The following CNTN3 variants were observed in gnomAD, a reference collection of about 807,000 sequenced individuals.
CNTN3 encodes the protein contactin 3, also known as contactin-3.
A neutral mutation model predicts 119.1 loss-of-function variants in CNTN3; 60 were observed. The observed-to-expected ratio is 0.50, with a 90% confidence interval of 0.41 to 0.62. The LOEUF is 0.62. CNTN3 is among the 20% of genes least tolerant of loss of function. CNTN3 has a pLI of 0.00. For missense variants in CNTN3, 1,101 were observed against 1,242.4 expected (o/e 0.89, Z 1.71); for synonymous variants, 450 against 438.7 (o/e 1.03, Z -0.32).
chr3:74,559,753 T>C (rs1704126196), intron 1 of CNTN3, among the ~76,000 whole-genome samples: 1 of 152,214 alleles, frequency 6.6e-6, no homozygotes, highest in African/African-American at 2.4e-5. Context: ...ATCTGTTTTC[T>C]TCTCTGTAAA....
At chr3:74,340,571 C>A (rs541298) in intron 11 of CNTN3, among the ~76,000 whole-genome samples, 9,111 of 151,914 alleles carry the variant, frequency 0.06, 772 homozygotes, top group African/African-American at 0.19. Context: ...AGTGTTGCTC[C>A]GGAAATTTTA....
At chr3:74,535,272 G>A (rs1703748459) in intron 1 of CNTN3, among the ~76,000 whole-genome samples, 1 of 152,022 alleles carries the variant, frequency 6.6e-6, no homozygotes, top group Non-Finnish European at 1.5e-5. Flanking sequence ...GTATCTAGGT[G>A]TATAAAACAT....
intron 4 of CNTN3, among the ~76,000 whole-genome samples, chr3:74,455,648 T>C (rs190116932): frequency 1.1e-4 from 17 of 152,214 alleles, no homozygotes; most frequent in African/African-American, 4.1e-4. Flanking sequence ...CTTTTGGTCT[T>C]TGATGATGGT....
At chr3:74,479,766 C>T (rs1381254487) in intron 4 of CNTN3, among the ~76,000 whole-genome samples, 1 of 151,850 alleles carries the variant, frequency 6.6e-6, no homozygotes, top group African/African-American at 2.4e-5. Flanking sequence ...AATTTTGTTC[C>T]TGATATACAG....
At chr3:74,291,945 G>A (rs1333224397) in intron 19 of CNTN3, among the ~76,000 whole-genome samples, 1 of 152,100 alleles carries the variant, frequency 6.6e-6, no homozygotes, top group Non-Finnish European at 1.5e-5. Context: ...GTAGCCCCCA[G>A]GAGGCTTTGT....
At chr3:74,555,904 T>C (rs1485594657) in intron 1 of CNTN3, among the ~76,000 whole-genome samples, 1 of 152,130 alleles carries the variant, frequency 6.6e-6, no homozygotes, top group Admixed American at 6.6e-5. Flanking sequence ...CTTTCCTTTA[T>C]AATTTACCCA....
chr3:74,335,709 A>G (rs931471394), intron 12 of CNTN3, among the ~76,000 whole-genome samples: 1 of 152,104 alleles, frequency 6.6e-6, no homozygotes, highest in Non-Finnish European at 1.5e-5. Context: ...GGTATTTAAC[A>G]TCATGCACTT....
chr3:74,297,866 T>C (rs751427169), intron 18 of CNTN3, 91 bp downstream of exon 18: 34 of 897,682 alleles, frequency 3.8e-5, no homozygotes, highest in Non-Finnish European at 5.6e-5. Flanking sequence ...GGAATAAATA[T>C]ATTTGAAGTC....
In CNTN3 at chr3:74,486,571, T is replaced by A; in HGVS notation, c.243A>T (p.Gly81=). ...TGGGATTAATAACCACAAGATTTCC[T>A]CCATTCAACTTATAACGATGTTCCA... ...MSMEHRYKLN[G]GNLVVINPNR... is the part of the protein sequence containing the mutation. The change falls in exon 4 of 23, where the codon GGA becomes GGT. Residue 81 remains glycine, a synonymous_variant. Coordinates refer to ENST00000263665, the MANE Select transcript of CNTN3 (RefSeq NM_020872.3). The A allele has an allele frequency of 1.2e-6, 2 of 1,609,414 alleles. No homozygotes were observed. Among genetic ancestry groups the A allele is most frequent in the Non-Finnish European group, 1.7e-6 (2 of 1,178,992 alleles).
In CNTN3 at chr3:74,361,034, T is replaced by C. The variant is rs376162511; in HGVS notation, c.1364+856A>G. On this transcript the variant is annotated intron_variant, in intron 11 of 22. Transcript: ENST00000263665. Reference sequence around the variant, plus strand: ...ATAACACAGTAACAGGTTTCTAGGATAAGGAGAGGGATGCTTTGGGGCCAA... The same window carrying C: ...ATAACACAGTAACAGGTTTCTAGGACAAGGAGAGGGATGCTTTGGGGCCAA... 1.3e-4 allele frequency among the ~76,000 whole-genome samples: 20 copies of C among 152,274 alleles called. 1 individual carries two copies. The highest frequency in any genetic ancestry group is 4.8e-4 in the African/African-American group (20 of 41,554).
chr3:74,495,508 C>T (rs1703045255), intron 3 of CNTN3, among the ~76,000 whole-genome samples: 1 of 151,952 alleles, frequency 6.6e-6, no homozygotes, highest in African/African-American at 2.4e-5. Context: ...GCACCAAATA[C>T]AGTACTATGT....
Position 74,580,623 on chromosome 3 carries a change from C to G in CNTN3, c.-81+33768G>C, listed in dbSNP as rs150691177. ...AGTGTAAAATGCCACATTAACAAAACGTAACTATCTCAATAGATTAAGAAA... is the reference window on the plus strand; with the variant it reads ...AGTGTAAAATGCCACATTAACAAAAGGTAACTATCTCAATAGATTAAGAAA... On this transcript the variant is annotated intron_variant, in intron 1 of 22. Transcript: ENST00000263665. 5.0e-3 allele frequency among the ~76,000 whole-genome samples: 759 copies of G among 152,212 alleles called. 5 individuals carry two copies. Among genetic ancestry groups the G allele is most frequent in the African/African-American group, 0.017 (699 of 41,532 alleles).
At chr3:74,280,359 G>C (rs1487857012) in intron 20 of CNTN3, among the ~76,000 whole-genome samples, 1 of 152,140 alleles carries the variant, frequency 6.6e-6, no homozygotes, top group Non-Finnish European at 1.5e-5. Context: ...AATTAGCAAA[G>C]GCATAAAAAT....
At chr3:74,396,350 A>G (rs985910292) in intron 5 of CNTN3, among the ~76,000 whole-genome samples, 2 of 152,232 alleles carry the variant, frequency 1.3e-5, no homozygotes, top group Non-Finnish European at 2.9e-5. Context: ...CAGTAAGCAC[A>G]TGAATGATAA....
chr3:74,386,842 A>G (rs1307653203), intron 5 of CNTN3, among the ~76,000 whole-genome samples: 1 of 152,218 alleles, frequency 6.6e-6, no homozygotes, highest in Admixed American at 6.5e-5. Context: ...TTTTGTTGTC[A>G]TTTTGGTCTT....
intron 11 of CNTN3, among the ~76,000 whole-genome samples, chr3:74,352,235 C>G (rs1367101352): frequency 1.3e-5 from 2 of 152,220 alleles, no homozygotes; most frequent in Non-Finnish European, 2.9e-5. Context: ...GTTCCCTACT[C>G]TCTTGCTTTG....
chr3:74,612,282 T>A (rs6792938), intron 1 of CNTN3, among the ~76,000 whole-genome samples: 33,044 of 152,118 alleles, frequency 0.22, 3,923 homozygotes, highest in East Asian at 0.47. Flanking sequence ...GTGACAGTGA[T>A]AAAATTGAAC....
chr3:74,438,619 C>T (rs971442271), intron 4 of CNTN3, among the ~76,000 whole-genome samples: 28 of 152,166 alleles, frequency 1.8e-4, no homozygotes, highest in African/African-American at 5.8e-4. Flanking sequence ...TCTGTCTCTC[C>T]AGGAACACCA....
intron 1 of CNTN3, among the ~76,000 whole-genome samples, chr3:74,594,547 G>A (rs1446663698): frequency 1.3e-5 from 2 of 151,514 alleles, no homozygotes; most frequent in Non-Finnish European, 1.5e-5. Context: ...TGCGGTGTTT[G>A]GTTTTTTGTC....
Sources: gnomAD v4.1 joint callset for allele counts (sites outside exome capture counted in the v4.1 genomes callset) on GRCh38, gnomAD v4.1.1 for gene constraint, MANE v1.5 for transcripts, NCBI Gene and HGNC (gene_info 2026-07-23, HGNC 2026-07-21) for gene names.